ACER1: variants seen among roughly 807,000 people sequenced by gnomAD.
ACER1 encodes the protein alkaline ceramidase 1.
In ACER1, 28 loss-of-function variants were observed where a neutral mutation model predicts 24.9. The ratio of observed to expected loss-of-function variants is 1.13; its 90% CI spans 0.83 to 1.54. The LOEUF (loss-of-function observed/expected upper bound fraction) is 1.54, where lower values mean the gene tolerates loss of function less well. Among genes scored for constraint, ACER1 ranks in the 40% most tolerant of loss-of-function variants. The pLI is 0.00. For missense variants in ACER1, 352 were observed against 349.3 expected, an observed-to-expected ratio of 1.01 and a Z score of -0.06; for synonymous variants, 132 against 131.4, an observed-to-expected ratio of 1.00 and a Z score of -0.03.
intron 1 of ACER1, among the ~76,000 whole-genome samples, chr19:6,331,945 C>G (rs1364879129): frequency 6.6e-6 from 1 of 151,480 alleles, no homozygotes; most frequent in African/African-American, 2.4e-5. Context: ...GGCTAAATGC[C>G]GTGATCATTT....
chr19:6,312,620 C>A, intron 1 of ACER1, 121 bp from the exon 2 acceptor site: 7 of 675,450 alleles, frequency 1.0e-5, no homozygotes, highest in East Asian at 2.9e-5. Context: ...GGCAATGCAT[C>A]AACCCAGGAT....
intron 1 of ACER1, among the ~76,000 whole-genome samples, chr19:6,325,771 G>A (rs913101005): frequency 2.2e-4 from 33 of 152,186 alleles, no homozygotes; most frequent in Non-Finnish European, 4.0e-4. Context: ...GAGACGGGAG[G>A]ACTGCTGGAG....
intron 1 of ACER1, among the ~76,000 whole-genome samples, chr19:6,315,193 ATATT>A (rs150191095): frequency 0.16 from 23,491 of 148,664 alleles, 3,412 homozygotes; most frequent in African/African-American, 0.39. Flanking sequence ...TTATTTATTT[ATATT>A]TATTTATTTA....
intron 1 of ACER1, among the ~76,000 whole-genome samples, chr19:6,312,948 G>A (rs2091589150): frequency 1.3e-5 from 2 of 152,200 alleles, no homozygotes; most frequent in Admixed American, 1.3e-4. Flanking sequence ...AAAGTGGTGG[G>A]ATTACAGGTG....
At chr19:6,356,599 C>A in the ACER1 span, among the ~76,000 whole-genome samples, 2 of 152,074 alleles carry the variant, frequency 1.3e-5, no homozygotes. Context: ...CCAGCCCCCT[C>A]CTAAATTTTG....
At chr19:6,348,738 A>T in the ACER1 span, among the ~76,000 whole-genome samples, 2 of 151,928 alleles carry the variant, frequency 1.3e-5, no homozygotes, top group Non-Finnish European at 2.9e-5. Flanking sequence ...TGAGATTTTT[A>T]TTGGGAATTC....
At position 6,312,306 on chromosome 19, in the gene ACER1, C is replaced by G. The variant is rs1196748713; in HGVS notation, c.209-16G>C. On this transcript the variant is annotated splice_polypyrimidine_tract_variant and intron_variant, in intron 2 of 5. Coordinates refer to ENST00000301452, the MANE Select transcript of ACER1 (RefSeq NM_133492.3). ...GAGAACAGGCCTGCAGCGGCAAGGGCAGGCGGTCAGTGGGGTCCGCCACCT... is the reference window on the plus strand; with the variant it reads ...GAGAACAGGCCTGCAGCGGCAAGGGGAGGCGGTCAGTGGGGTCCGCCACCT... 6.2e-7 allele frequency: 1 copy of G among 1,613,852 alleles called. No individual in the cohort carries two copies. Among genetic ancestry groups the G allele is most frequent in the East Asian group, 2.2e-5 (1 of 44,882 alleles).
chr19:6,346,870 C>G, the ACER1 span, among the ~76,000 whole-genome samples: 5 of 151,768 alleles, frequency 3.3e-5, no homozygotes, highest in African/African-American at 7.3e-5. Context: ...CTGCCCACCC[C>G]CTTCTTTCCT....
the ACER1 span, among the ~76,000 whole-genome samples, chr19:6,354,164 A>G: frequency 1.3e-5 from 2 of 151,992 alleles, no homozygotes; most frequent in Non-Finnish European, 1.5e-5. Context: ...CCTGGACAAC[A>G]GAGCAAGAGA....
chr19:6,340,795 T>C, the ACER1 span, among the ~76,000 whole-genome samples: 9 of 151,500 alleles, frequency 5.9e-5, no homozygotes, highest in Non-Finnish European at 1.2e-4. Context: ...GGAGAGCTCT[T>C]CCCCCGCTAG....
intron 1 of ACER1, among the ~76,000 whole-genome samples, chr19:6,320,261 T>C (rs10409863): frequency 0.066 from 10,068 of 152,186 alleles, 376 homozygotes; most frequent in East Asian, 0.12. Context: ...TCATTCCAAG[T>C]GTGCCTGCTA....
rs569101356 is a variant in ACER1, at chr19:6,330,340, G to C, written c.93+3119C>G. 2.3e-4 allele frequency among the ~76,000 whole-genome samples: 35 copies of C among 149,542 alleles called. 1 individual carries two copies. The highest frequency in any genetic ancestry group is 4.1e-4 in the Non-Finnish European group (28 of 67,834). On this transcript the variant is annotated intron_variant, in intron 1 of 5. Transcript: ENST00000301452. ...GCGCCACCATGCCCAGCTAATTTTT[G>C]TATTTTTAGTAGAGATGGGGTTTCA...
At chr19:6,358,933 C>CAA in the ACER1 span, among the ~76,000 whole-genome samples, 8 of 75,384 alleles carry the variant, frequency 1.1e-4, no homozygotes, top group Admixed American at 2.9e-4. Context: ...AACTCTGTCT[C>CAA]AAAAAAAAAA....
chr19:6,311,951 G>A (rs971268883), intron 3 of ACER1, among the ~76,000 whole-genome samples, 198 bp downstream of exon 3: 5 of 152,130 alleles, frequency 3.3e-5, no homozygotes, highest in Admixed American at 2.0e-4. Flanking sequence ...CAAGAAACCA[G>A]GTAAGCTCAG....
At chr19:6,331,482 A>G (rs117935989) in intron 1 of ACER1, among the ~76,000 whole-genome samples, 3,118 of 134,448 alleles carry the variant, frequency 0.023, 110 homozygotes, top group Non-Finnish European at 0.033. Flanking sequence ...AGCAAGGCCT[A>G]TGTGCAGGGC....
chr19:6,347,098 C>CAAAAAAAAAAAAAAAAA, the ACER1 span, among the ~76,000 whole-genome samples: 47 of 81,944 alleles, frequency 5.7e-4, no homozygotes, highest in African/African-American at 2.6e-3. Context: ...CCTGTCTCTA[C>CAAAAAAAAAAAAAAAAA]AAAAAAAAAA....
Position 6,306,510 on chromosome 19 carries a change from CCACAGT to C in ACER1, c.*198_*203del. ...GAGGGGAGATGCACGAGACAGCCCCCCACAGTCACCAGGCTGCTGCTCAGAGATGTC... is the reference window on the plus strand; with the variant it reads ...GAGGGGAGATGCACGAGACAGCCCCCCACCAGGCTGCTGCTCAGAGATGTC... On this transcript the variant is annotated 3_prime_UTR_variant, in exon 6 of 6. Transcript: ENST00000301452. 3.4e-6 allele frequency: 2 copies of C among 585,998 alleles called. No individual in the cohort carries two copies. The highest frequency in any genetic ancestry group is 5.8e-6 in the Non-Finnish European group (2 of 345,550). 36.3% of individuals were successfully genotyped at this position (585,998 alleles called of 1,614,324 possible).
the ACER1 span, among the ~76,000 whole-genome samples, chr19:6,356,481 A>AAT: frequency 2.8e-5 from 4 of 142,980 alleles, no homozygotes; most frequent in Non-Finnish European, 4.8e-5. Context: ...AAAAATAAAT[A>AAT]AAATAAATAA....
intron 1 of ACER1, among the ~76,000 whole-genome samples, chr19:6,324,795 GAAGA>G (rs1026993799): frequency 3.4e-5 from 5 of 145,770 alleles, no homozygotes; most frequent in Non-Finnish European, 6.0e-5. Flanking sequence ...AGAGAAGAGA[GAAGA>G]AAGAAAGAGA....
Sources: gnomAD v4.1 joint callset for allele counts (sites outside exome capture counted in the v4.1 genomes callset) on GRCh38, gnomAD v4.1.1 for gene constraint, MANE v1.5 for transcripts, NCBI Gene and HGNC (gene_info 2026-07-23, HGNC 2026-07-21) for gene names.